SLC14A1: variants seen among roughly 807,000 people sequenced by gnomAD.
The protein encoded by SLC14A1 is urea transporter 1.
A neutral mutation model predicts 39.6 loss-of-function variants in SLC14A1; 36 were observed. That is an observed-to-expected ratio of 0.91 (90% CI 0.70 to 1.20). The LOEUF (loss-of-function observed/expected upper bound fraction) is 1.20. Among genes scored for constraint, SLC14A1 ranks in the 50% most tolerant of loss-of-function variants. The pLI, the probability that SLC14A1 is intolerant of heterozygous loss-of-function variation, is 0.00. For missense variants in SLC14A1, 469 were observed against 478.7 expected, an observed-to-expected ratio of 0.98 and a Z score of 0.19; for synonymous variants, 164 against 173.6, an observed-to-expected ratio of 0.94 and a Z score of 0.43.
intron 2 of SLC14A1, among the ~76,000 whole-genome samples, chr18:45,726,452 TGGAA>T (rs2046864645): frequency 6.6e-6 from 1 of 152,232 alleles, no homozygotes. Context: ...GCCACATTTG[TGGAA>T]TTCAACTAAA....
At chr18:45,743,863 CT>C (rs796161802) in intron 8 of SLC14A1, among the ~76,000 whole-genome samples, 53 of 152,170 alleles carry the variant, frequency 3.5e-4, no homozygotes, top group African/African-American at 1.1e-3. Context: ...AGGCCCACCC[CT>C]GATGACTACT....
rs993418815 is a variant in SLC14A1, at chr18:45,750,757, G to T, written c.*806G>T. On this transcript the variant is annotated 3_prime_UTR_variant, in exon 10 of 10. Coordinates refer to ENST00000321925, the MANE Select transcript of SLC14A1 (RefSeq NM_015865.7). ...ACCTGTTCTTACATATTAAAGAAAA[G>T]TTACTTACTGTATTTATGAAATACT... 2.0e-6 allele frequency: 2 copies of T among 985,050 alleles called. No individual in the cohort carries two copies. Among genetic ancestry groups the T allele is most frequent in the Non-Finnish European group, 1.2e-6 (1 of 829,646 alleles). The allele number at this position is 985,050 out of a possible 1,614,324, so 61.0% of individuals were successfully genotyped here. A position where few individuals can be genotyped will look rare whatever the true frequency, so the allele number is the denominator to read the frequency against.
chr18:45,739,507 T>C lies in SLC14A1; in HGVS notation c.812-21T>C, dbSNP rs1334143217. The C allele has an allele frequency of 1.9e-6, 3 of 1,614,044 alleles. No homozygotes were observed. In the African/African-American group the frequency reaches 4.0e-5, roughly 22 times the overall value. On this transcript the variant is annotated intron_variant, in intron 7 of 9. Transcript: ENST00000321925. ...ACATCCTGCCTTTAGTCCTGAGTTC[T>C]GACCCCTCCTGTCTTAACAGGACTC...
rs1347521235 is a variant in SLC14A1 at position 45,731,184 on chromosome 18, C to T, written c.321C>T (p.Ala107=). 1.2e-6 allele frequency: 2 copies of T among 1,613,810 alleles called. No homozygotes were observed. The highest frequency in any genetic ancestry group is 1.1e-5 in the South Asian group (1 of 91,056). ...WLGTVVSTLM[A]LLLSQDRSLI... ...GAACAGTGGTCTCCACTCTGATGGCCCTCTTGCTCAGCCAGGACAGGTAGG... is the reference window on the plus strand; with the variant it reads ...GAACAGTGGTCTCCACTCTGATGGCTCTCTTGCTCAGCCAGGACAGGTAGG... Residue 107 remains alanine, a synonymous_variant, in exon 4 of 10, where the codon GCC becomes GCT. Transcript: ENST00000321925.
intron 8 of SLC14A1, among the ~76,000 whole-genome samples, chr18:45,746,349 C>T (rs28898893): frequency 8.9e-4 from 136 of 152,284 alleles, no homozygotes; most frequent in South Asian, 4.4e-3. Context: ...AAGGCTTTCC[C>T]GGTCCTACTT....
At chr18:45,728,963 T>C (rs1568030294) in intron 2 of SLC14A1, 1 of 152,248 alleles carries the variant, frequency 6.6e-6, no homozygotes, top group East Asian at 1.9e-4. Flanking sequence ...TTTACTGGGA[T>C]TAATAGAAGC....
intron 2 of SLC14A1, chr18:45,728,921 C>T (rs1425463924): frequency 6.6e-6 from 1 of 152,182 alleles, no homozygotes; most frequent in African/African-American, 2.4e-5. Context: ...AATGTAATTG[C>T]TACCAATAAA....
At position 45,736,602 on chromosome 18, in the gene SLC14A1, T is replaced by A. The variant is rs1372118241; in HGVS notation, c.617T>A (p.Ile206Lys). 2 of 1,614,202 alleles carry A rather than the reference T, an allele frequency of 1.2e-6. No homozygotes were observed. Among genetic ancestry groups the A allele is most frequent in the Admixed American group, 1.7e-5 (1 of 60,020 alleles). Residue 206 changes from isoleucine to lysine, a missense_variant, in exon 6 of 10, where the codon ATA becomes AAA. By Grantham distance (102) the Ile-to-Lys change is moderately radical (BLOSUM62 -3). Coordinates refer to ENST00000321925, the MANE Select transcript of SLC14A1 (RefSeq NM_015865.7). ...PFFPAKLVIP[I>K]TTAPNISWSD... is the part of the protein sequence containing the mutation. Reference sequence around the variant, plus strand: ...TTTCCAGCCAAACTGGTCATACCTATAACTACAGCTCCAAATATCTCCTGG... The same window carrying A: ...TTTCCAGCCAAACTGGTCATACCTAAAACTACAGCTCCAAATATCTCCTGG...
intron 8 of SLC14A1, among the ~76,000 whole-genome samples, chr18:45,740,689 C>A (rs549833975): frequency 6.6e-6 from 1 of 152,196 alleles, no homozygotes; most frequent in South Asian, 2.1e-4. Context: ...CACAGGCGTG[C>A]CACCATGCCT....
intron 8 of SLC14A1, among the ~76,000 whole-genome samples, chr18:45,745,348 T>G (rs2047517246): frequency 6.6e-6 from 1 of 152,176 alleles, no homozygotes; most frequent in Non-Finnish European, 1.5e-5. Flanking sequence ...CACGTTTCCC[T>G]CGGGATACCA....
intron 2 of SLC14A1, chr18:45,728,990 CTTTT>C (rs2046945927): frequency 1.3e-5 from 2 of 152,096 alleles, no homozygotes; most frequent in South Asian, 4.1e-4. Flanking sequence ...TAGAGTTCAA[CTTTT>C]TTTAATAGGT....
intron 6 of SLC14A1, chr18:45,737,697 G>A (rs568554550): frequency 6.6e-6 from 1 of 152,302 alleles, no homozygotes; most frequent in African/African-American, 2.4e-5. Flanking sequence ...CACTAACACA[G>A]GAGCCTCTAG....
intron 6 of SLC14A1, 82 bp downstream of exon 6, chr18:45,736,730 G>A: frequency 4.2e-6 from 5 of 1,186,766 alleles, no homozygotes; most frequent in Non-Finnish European, 6.3e-6. Flanking sequence ...ACGGGTGTCA[G>A]AGTCTCCTAG....
Position 45,736,576 on chromosome 18 carries a change from C to G in SLC14A1, c.591C>G (p.Phe197Leu). 1 of 1,614,192 alleles carries G rather than the reference C, an allele frequency of 6.2e-7. No homozygotes were observed. The highest frequency in any genetic ancestry group is 8.5e-7 in the Non-Finnish European group (1 of 1,180,012). ...YLSATGHYNP[F>L]FPAKLVIPIT... is the part of the protein sequence containing the mutation. ...CAGCCACAGGACATTACAATCCATT[C>G]TTTCCAGCCAAACTGGTCATACCTA... The change falls in exon 6 of 10, where the codon TTC (phenylalanine) becomes TTG (leucine). Residue 197 changes from phenylalanine to leucine, a missense_variant. Physicochemically the swap from Phe to Leu is conservative, Grantham distance 22. Transcript: ENST00000321925.
intron 2 of SLC14A1, chr18:45,726,967 A>C: frequency 3.6e-6 from 1 of 277,134 alleles, no homozygotes; most frequent in Non-Finnish European, 7.1e-6. Context: ...AGCAGAACAA[A>C]ATCTGGGCAT....
At chr18:45,742,300 G>A (rs2047397710) in intron 8 of SLC14A1, among the ~76,000 whole-genome samples, 1 of 151,862 alleles carries the variant, frequency 6.6e-6, no homozygotes, top group Non-Finnish European at 1.5e-5. Flanking sequence ...GAGCACAGGA[G>A]ATGGCGACGA....
At position 45,739,206 on chromosome 18, in the gene SLC14A1, G is replaced by A. The variant is rs771635749; in HGVS notation, c.707G>A (p.Cys236Tyr). The A allele has an allele frequency of 6.2e-6, 10 of 1,613,994 alleles. No individual in the cohort carries two copies. The highest frequency in any genetic ancestry group is 8.5e-6 in the Non-Finnish European group (10 of 1,180,004). Residue 236 changes from cysteine to tyrosine, a missense_variant, in exon 7 of 10, where the codon TGT (cysteine) becomes TAT (tyrosine). Physicochemically the swap from Cys to Tyr is radical, Grantham distance 194. Coordinates refer to ENST00000321925, the MANE Select transcript of SLC14A1 (RefSeq NM_015865.7). ...IPVGVGQIYG[C>Y]DNPWTGGIFL... ...GTGGGAGTTGGTCAGATCTATGGCT[G>A]TGATAATCCATGGACAGGGGGCATT...
At chr18:45,727,478 G>C in intron 2 of SLC14A1, 1 of 1,499,824 alleles carries the variant, frequency 6.7e-7, no homozygotes, top group Non-Finnish European at 8.9e-7. Flanking sequence ...CCAAACTCTG[G>C]TGTATCTTTT....
chr18:45,727,380 C>A, intron 2 of SLC14A1: 1 of 1,550,488 alleles, frequency 6.4e-7, no homozygotes, highest in Non-Finnish European at 8.7e-7. Flanking sequence ...AGGCATCGCC[C>A]GGCTAAGCTT....
Sources: gnomAD v4.1 joint callset for allele counts (sites outside exome capture counted in the v4.1 genomes callset) on GRCh38, gnomAD v4.1.1 for gene constraint, MANE v1.5 for transcripts, NCBI Gene and HGNC (gene_info 2026-07-23, HGNC 2026-07-21) for gene names.